Variants in SDC2 observed in about 807,000 individuals in gnomAD.
SDC2 encodes syndecan 2.
Under a neutral mutation model 22.2 loss-of-function variants are expected in SDC2, and 13 were observed. That is an observed-to-expected ratio of 0.59 (90% CI 0.38 to 0.93). The LOEUF (loss-of-function observed/expected upper bound fraction) is 0.93. Ranked by LOEUF, SDC2 falls within the 40% of genes least tolerant of loss-of-function variation. The pLI is 0.00. For synonymous variants in SDC2, 94 were observed against 92.8 expected (o/e 1.01, Z -0.07); for missense variants, 235 against 246.8 (o/e 0.95, Z 0.32).
intron 1 of SDC2, among the ~76,000 whole-genome samples, chr8:96,508,218 C>G (rs3019151): frequency 0.15 from 22,918 of 151,580 alleles, 2,079 homozygotes; most frequent in Non-Finnish European, 0.2. Context: ...ATGGCATGAA[C>G]CCGGGAGGCG....
At chr8:96,607,688 C>G (rs977129886) in intron 3 of SDC2, among the ~76,000 whole-genome samples, 1 of 152,024 alleles carries the variant, frequency 6.6e-6, no homozygotes, top group African/African-American at 2.4e-5. Flanking sequence ...GTCCGAGACC[C>G]AGTGAGTGTC....
At chr8:96,502,590 A>T (rs1212137769) in intron 1 of SDC2, among the ~76,000 whole-genome samples, 1 of 152,090 alleles carries the variant, frequency 6.6e-6, no homozygotes, top group African/African-American at 2.4e-5. Flanking sequence ...GGGGCTTTTA[A>T]CTGGTGCCTT....
At chr8:96,531,549 A>G (rs1344551490) in intron 1 of SDC2, among the ~76,000 whole-genome samples, 2 of 152,260 alleles carry the variant, frequency 1.3e-5, no homozygotes, top group Non-Finnish European at 2.9e-5. Flanking sequence ...TACTCAGGCT[A>G]TGAAACTTGT....
At chr8:96,592,384 G>T (rs1231903996) in intron 1 of SDC2, among the ~76,000 whole-genome samples, 2 of 152,108 alleles carry the variant, frequency 1.3e-5, no homozygotes, top group Non-Finnish European at 2.9e-5. Flanking sequence ...GTGTAGTAAG[G>T]GAAACATTAT....
rs537803495 is a variant in SDC2 at position 96,495,293 on chromosome 8, C to T, written c.60+962C>T. On this transcript the variant is annotated intron_variant, in intron 1 of 4. Coordinates refer to ENST00000302190, the MANE Select transcript of SDC2 (RefSeq NM_002998.4). ...GCGCCTGCCGGCACCCAGCTTCCCTCCCCCGCCCTGGCGGTGGGAACTTGA... is the reference window on the plus strand; with the variant it reads ...GCGCCTGCCGGCACCCAGCTTCCCTTCCCCGCCCTGGCGGTGGGAACTTGA... Among the ~76,000 whole-genome samples, 15 of 152,362 alleles carry T rather than the reference C, an allele frequency of 9.8e-5. No homozygotes were observed. In the South Asian group the frequency reaches 1.4e-3, roughly 15 times the overall value.
chr8:96,600,011 T>G (rs1412557962), intron 2 of SDC2, among the ~76,000 whole-genome samples: 1 of 152,042 alleles, frequency 6.6e-6, no homozygotes, highest in Non-Finnish European at 1.5e-5. Context: ...TTTTTAATAT[T>G]AGCTGGGCAC....
At chr8:96,530,629 G>A (rs1009842948) in intron 1 of SDC2, among the ~76,000 whole-genome samples, 2 of 152,112 alleles carry the variant, frequency 1.3e-5, no homozygotes, top group Non-Finnish European at 2.9e-5. Flanking sequence ...GTAAAACTCT[G>A]TCTAAAACAA....
intron 1 of SDC2, among the ~76,000 whole-genome samples, chr8:96,566,823 G>A (rs1458046515): frequency 6.6e-6 from 1 of 152,000 alleles, no homozygotes; most frequent in Non-Finnish European, 1.5e-5. Flanking sequence ...GTGTGGTTAT[G>A]TGTTTGTATA....
chr8:96,506,175 A>T (rs1326787910), intron 1 of SDC2, among the ~76,000 whole-genome samples: 2 of 152,182 alleles, frequency 1.3e-5, no homozygotes, highest in East Asian at 3.8e-4. Context: ...CTTGATTTTC[A>T]TATGTTTCTC....
rs1367925121 is a variant in SDC2 at position 96,609,434 on chromosome 8, C to T, written c.492C>T (p.Ile164=). 3.1e-6 allele frequency: 5 copies of T among 1,612,902 alleles called. No individual in the cohort carries two copies. In the African/African-American group the frequency reaches 6.7e-5, roughly 22 times the overall value. Residue 164 remains isoleucine (I), a synonymous_variant, in exon 5 of 5, where the codon ATC becomes ATT. Transcript: ENST00000302190. ...VIGFLFAIFL[I]LLLVYRMRKK... ...GCTTTCTCTTTGCAATTTTTCTTAT[C>T]CTGCTGTTGGTGTATCGCATGAGAA...
At chr8:96,557,870 A>C (rs1450379517) in intron 1 of SDC2, among the ~76,000 whole-genome samples, 2 of 152,218 alleles carry the variant, frequency 1.3e-5, no homozygotes, top group Admixed American at 6.5e-5. Flanking sequence ...GTTTTGTAGC[A>C]GGAAGATCCT....
At chr8:96,541,643 G>A (rs1813852487) in intron 1 of SDC2, among the ~76,000 whole-genome samples, 1 of 152,126 alleles carries the variant, frequency 6.6e-6, no homozygotes, top group Non-Finnish European at 1.5e-5. Context: ...ACCTAGAGTA[G>A]TCAAATTCAT....
intron 2 of SDC2, among the ~76,000 whole-genome samples, chr8:96,601,379 C>A (rs1488824070): frequency 6.6e-6 from 1 of 152,036 alleles, no homozygotes; most frequent in Non-Finnish European, 1.5e-5. Context: ...CGGTGGCTCA[C>A]GCCTGTAATC....
At chr8:96,590,458 C>G (rs146580816) in intron 1 of SDC2, among the ~76,000 whole-genome samples, 1 of 152,096 alleles carries the variant, frequency 6.6e-6, no homozygotes, top group African/African-American at 2.4e-5. Flanking sequence ...GGTGTAAAAT[C>G]GGTAGTTTCG....
At chr8:96,583,326 A>T (rs1814623113) in intron 1 of SDC2, among the ~76,000 whole-genome samples, 2 of 147,366 alleles carry the variant, frequency 1.4e-5, no homozygotes, top group African/African-American at 2.5e-5. Context: ...TAATATATAT[A>T]TTATATATCA....
intron 4 of SDC2, among the ~76,000 whole-genome samples, 185 bp downstream of exon 4, chr8:96,608,655 C>T (rs1254476152): frequency 2.0e-5 from 3 of 152,250 alleles, no homozygotes; most frequent in African/African-American, 7.2e-5. Flanking sequence ...TGCCAGCTCC[C>T]TCAACCTACC....
intron 1 of SDC2, among the ~76,000 whole-genome samples, chr8:96,579,620 T>C (rs2575702): frequency 0.59 from 90,461 of 152,114 alleles, 28,118 homozygotes; most frequent in Non-Finnish European, 0.68. Context: ...AAATTAAAAA[T>C]TGGAAATGCC....
At chr8:96,547,976 G>A (rs1813963103) in intron 1 of SDC2, among the ~76,000 whole-genome samples, 1 of 152,076 alleles carries the variant, frequency 6.6e-6, no homozygotes, top group East Asian at 1.9e-4. Flanking sequence ...TGCCCAGGCT[G>A]GTCTCAAACT....
intron 1 of SDC2, among the ~76,000 whole-genome samples, chr8:96,561,194 GAC>G (rs1336338875): frequency 2.0e-5 from 3 of 152,292 alleles, no homozygotes; most frequent in East Asian, 3.9e-4. Context: ...TTGGGAGGAA[GAC>G]ACAGCCAATC....
Sources: allele counts gnomAD v4.1 joint callset (sites outside exome capture counted in the v4.1 genomes callset), GRCh38; gene constraint gnomAD v4.1.1; transcripts MANE v1.5; gene names NCBI Gene and HGNC (gene_info 2026-07-23, HGNC 2026-07-21).